EXOC6B: variants seen among roughly 807,000 people sequenced by gnomAD.
EXOC6B encodes the protein exocyst complex component 6B, also known as SEC15 homolog B.
Under a neutral mutation model 113.5 loss-of-function variants are expected in EXOC6B, and 54 were observed. The ratio of observed to expected loss-of-function variants is 0.48; its 90% CI spans 0.38 to 0.60. The LOEUF is 0.60. EXOC6B is among the 20% of genes least tolerant of loss of function. The probability of loss-of-function intolerance (pLI) is 0.00; values close to 1 mark genes in which losing one functional copy is unlikely to be tolerated. For synonymous variants in EXOC6B, 357 were observed against 339.0 expected (o/e 1.05, Z -0.58); for missense variants, 797 against 977.5 (o/e 0.82, Z 2.46).
chr2:72,786,325 A>G (rs1684376147), intron 1 of EXOC6B, among the ~76,000 whole-genome samples: 2 of 152,254 alleles, frequency 1.3e-5, no homozygotes, highest in Non-Finnish European at 2.9e-5. Flanking sequence ...TACAAAAACT[A>G]TACCATAATT....
chr2:72,668,220 C>T (rs116110247), intron 6 of EXOC6B, among the ~76,000 whole-genome samples: 76 of 152,196 alleles, frequency 5.0e-4, no homozygotes, highest in Admixed American at 4.1e-3. Flanking sequence ...TGAGATACCA[C>T]GACACATTAG....
chr2:72,330,493 T>G (rs1241645872), intron 20 of EXOC6B, among the ~76,000 whole-genome samples: 1 of 152,078 alleles, frequency 6.6e-6, no homozygotes, highest in Non-Finnish European at 1.5e-5. Context: ...CACCCATGTT[T>G]TTAAACAAAA....
intron 20 of EXOC6B, among the ~76,000 whole-genome samples, chr2:72,283,436 C>G (rs954110986): frequency 7.9e-5 from 12 of 152,152 alleles, no homozygotes; most frequent in African/African-American, 2.9e-4. Flanking sequence ...TCACAACATA[C>G]TGGAAGCAGA....
At chr2:72,695,262 A>T (rs1677790182) in intron 6 of EXOC6B, among the ~76,000 whole-genome samples, 1 of 152,198 alleles carries the variant, frequency 6.6e-6, no homozygotes, top group African/African-American at 2.4e-5. Flanking sequence ...CTAGTAGTAA[A>T]CTTAGTAAAA....
At chr2:72,664,011 C>T (rs1308059517) in intron 6 of EXOC6B, among the ~76,000 whole-genome samples, 2 of 152,028 alleles carry the variant, frequency 1.3e-5, no homozygotes, top group Non-Finnish European at 2.9e-5. Context: ...CTAAAACCAT[C>T]CTAAAAAATA....
intron 17 of EXOC6B, among the ~76,000 whole-genome samples, chr2:72,473,735 T>C (rs1207827659): frequency 4.6e-5 from 7 of 152,152 alleles, no homozygotes; most frequent in African/African-American, 1.7e-4. Context: ...GGTTATTTTG[T>C]GTATTCTTTG....
intron 18 of EXOC6B, among the ~76,000 whole-genome samples, chr2:72,403,923 C>T (rs1038025345): frequency 6.6e-6 from 1 of 152,146 alleles, no homozygotes; most frequent in Non-Finnish European, 1.5e-5. Flanking sequence ...TCGCCTCACC[C>T]AGGAAGTGCA....
At chr2:72,610,222 T>C (rs1017487695) in intron 6 of EXOC6B, among the ~76,000 whole-genome samples, 1 of 152,110 alleles carries the variant, frequency 6.6e-6, no homozygotes, top group Non-Finnish European at 1.5e-5. Context: ...TTAAAAGATA[T>C]AAAAAACTAA....
chr2:72,619,101 C>T (rs1485669976), intron 6 of EXOC6B, among the ~76,000 whole-genome samples: 1 of 151,830 alleles, frequency 6.6e-6, no homozygotes, highest in East Asian at 1.9e-4. Context: ...GTTGCAGCTA[C>T]GAGACCTGGA....
chr2:72,182,874 C>A, intron 21 of EXOC6B: 1 of 1,230,196 alleles, frequency 8.1e-7, no homozygotes, highest in Non-Finnish European at 1.0e-6. Flanking sequence ...GGAAAAGGCC[C>A]AAGTGAATAA....
At chr2:72,613,518 T>C (rs1476748597) in intron 6 of EXOC6B, among the ~76,000 whole-genome samples, 9 of 152,068 alleles carry the variant, frequency 5.9e-5, no homozygotes, top group African/African-American at 2.2e-4. Flanking sequence ...CATAGACTCT[T>C]ATAGTTATAC....
intron 7 of EXOC6B, among the ~76,000 whole-genome samples, chr2:72,573,522 T>G (rs1366189728): frequency 2.6e-5 from 4 of 152,172 alleles, no homozygotes; most frequent in African/African-American, 9.7e-5. Flanking sequence ...TGAAGTCCCC[T>G]CTATCTCTTT....
At chr2:72,382,167 A>T (rs1189548311) in intron 18 of EXOC6B, among the ~76,000 whole-genome samples, 1 of 152,194 alleles carries the variant, frequency 6.6e-6, no homozygotes, top group African/African-American at 2.4e-5. Flanking sequence ...GGTTTTAATT[A>T]AACCCACCAG....
rs1558748288 is a variant in EXOC6B, at chr2:72,512,353, AAGGAAGGAAGGAAAGAAGGAAGGAAG to A, written c.1167+753_1167+778del. On this transcript the variant is annotated intron_variant, in intron 11 of 21. Coordinates refer to ENST00000272427, the MANE Select transcript of EXOC6B (RefSeq NM_015189.3). ...GAAGGAAGGAAGGAAGGAAGGAAGG[AAGGAAGGAAGGAAAGAAGGAAGGAAG>A]GAAGGAAGGAAGGAAGGAAGGAAGG... is the stretch of plus-strand genomic sequence containing the variant. 1.8e-3 allele frequency among the ~76,000 whole-genome samples: 26 copies of A among 14,366 alleles called. 1 individual carries two copies. The highest frequency in any genetic ancestry group is 4.1e-3 in the African/African-American group (26 of 6,358). 9.4% of individuals were successfully genotyped at this position (14,366 alleles called of 152,430 possible).
chr2:72,639,450 C>T (rs1431357835), intron 6 of EXOC6B, among the ~76,000 whole-genome samples: 1 of 152,224 alleles, frequency 6.6e-6, no homozygotes, highest in Non-Finnish European at 1.5e-5. Flanking sequence ...ACTGCATTGC[C>T]TCTGCCACTG....
chr2:72,714,244 C>A (rs1679458693), intron 6 of EXOC6B, among the ~76,000 whole-genome samples: 4 of 152,064 alleles, frequency 2.6e-5, no homozygotes, highest in African/African-American at 7.2e-5. Context: ...ACAAAAAAAT[C>A]TAAAATAAAA....
In EXOC6B at chr2:72,739,083, T is replaced by C. The variant is rs567145364; in HGVS notation, c.279+2221A>G. On this transcript the variant is annotated intron_variant, in intron 2 of 21. Coordinates refer to ENST00000272427, the MANE Select transcript of EXOC6B (RefSeq NM_015189.3). ...AGCAAACATCTCTAATACTTTCCCA[T>C]GTCAAATATCCTCTGTACTGTAGTT... Among the ~76,000 whole-genome samples, 59 of 152,352 alleles carry C rather than the reference T, an allele frequency of 3.9e-4. 1 individual carries two copies. The South Asian group carries it at 0.012, about 30-fold the overall frequency.
intron 6 of EXOC6B, among the ~76,000 whole-genome samples, chr2:72,643,209 T>A (rs1406473001): frequency 6.6e-6 from 1 of 152,016 alleles, no homozygotes; most frequent in African/African-American, 2.4e-5. Flanking sequence ...GTGTGGTGAC[T>A]CCTCAGGGAT....
intron 6 of EXOC6B, among the ~76,000 whole-genome samples, chr2:72,601,167 T>A (rs112858944): frequency 6.9e-6 from 1 of 145,110 alleles, no homozygotes; most frequent in Non-Finnish European, 1.5e-5. Context: ...TGTGTGTGTG[T>A]GTGTGTGTGT....
Sources: allele counts gnomAD v4.1 joint callset (sites outside exome capture counted in the v4.1 genomes callset), GRCh38; gene constraint gnomAD v4.1.1; transcripts MANE v1.5; gene names NCBI Gene and HGNC (gene_info 2026-07-23, HGNC 2026-07-21).